TSHR: variants seen among roughly 807,000 people sequenced by gnomAD.
The protein encoded by TSHR is thyrotropin receptor.
In TSHR, 51 loss-of-function variants were observed where a neutral mutation model predicts 64.1. That is an observed-to-expected ratio of 0.80 (90% CI 0.64 to 1.01). The LOEUF is 1.01. Among genes scored for constraint, TSHR ranks in the 50% least tolerant of loss-of-function variants. The pLI is 0.00. For synonymous variants in TSHR, 361 were observed against 361.9 expected, an observed-to-expected ratio of 1.00 and a Z score of 0.03; for missense variants, 877 against 942.8, an observed-to-expected ratio of 0.93 and a Z score of 0.91.
In TSHR at chr14:81,142,950, T is replaced by C. The variant is rs752493322; in HGVS notation, c.892T>C (p.Ser298Pro). The C allele has an allele frequency of 1.1e-5, 18 of 1,613,868 alleles. No homozygotes were observed. Among genetic ancestry groups the C allele is most frequent in the Non-Finnish European group, 1.4e-5 (17 of 1,180,012 alleles). The stretch of plus-strand genomic sequence containing the variant: ...TCTGTTGCCTTGCAGAATCCTTGAG[T>C]CCTTGATGTGTAATGAGAGCAGTAT... Reference protein sequence around the residue: ...NQKKIRGILESLMCNESSMQS... With the variant: ...NQKKIRGILEPLMCNESSMQS... The change falls in exon 10 of 10, where the codon TCC (serine) becomes CCC (proline). Residue 298 changes from serine to proline, a missense_variant. Ser to Pro is a moderately conservative substitution (Grantham distance 74). Coordinates refer to ENST00000298171, the MANE Select transcript of TSHR (RefSeq NM_000369.5).
intron 1 of TSHR, among the ~76,000 whole-genome samples, chr14:80,996,415 A>G (rs532631608): frequency 6.6e-6 from 1 of 152,156 alleles, no homozygotes; most frequent in African/African-American, 2.4e-5. Context: ...TTCGTCTATG[A>G]TCTAGTAAGT....
At chr14:81,071,113 T>A (rs1887035938) in intron 3 of TSHR, among the ~76,000 whole-genome samples, 1 of 152,222 alleles carries the variant, frequency 6.6e-6, no homozygotes, top group Non-Finnish European at 1.5e-5. Context: ...GCAGTCTTAA[T>A]AATCAATAAG....
intron 8 of TSHR, among the ~76,000 whole-genome samples, chr14:81,111,741 G>A (rs1890233255): frequency 6.6e-6 from 1 of 152,132 alleles, no homozygotes; most frequent in Admixed American, 6.5e-5. Flanking sequence ...TTCTGCCTTA[G>A]AGGGCAGAAT....
intron 1 of TSHR, among the ~76,000 whole-genome samples, chr14:80,962,848 A>G (rs1190870451): frequency 6.6e-6 from 1 of 152,250 alleles, no homozygotes; most frequent in African/African-American, 2.4e-5. Context: ...ATTATCTACA[A>G]TCTAGAAAGG....
At chr14:81,057,113 A>G (rs112908298) in intron 1 of TSHR, among the ~76,000 whole-genome samples, 14 of 152,294 alleles carry the variant, frequency 9.2e-5, no homozygotes, top group African/African-American at 3.1e-4. Flanking sequence ...AAATTCACCA[A>G]TGAAAATTTA....
chr14:81,143,830 T>C lies in TSHR; in HGVS notation c.1772T>C (p.Ile591Thr). 6.2e-7 allele frequency: 1 copy of C among 1,614,036 alleles called. No individual in the cohort carries two copies. Among genetic ancestry groups the C allele is most frequent in the Non-Finnish European group, 8.5e-7 (1 of 1,180,016 alleles). The part of the protein sequence containing the change: ...AYIVFVLTLN[I>T]VAFVIVCCCY... Reference sequence around the variant, plus strand: ...ATTGTTTTTGTTCTGACGCTCAACATAGTTGCCTTCGTCATCGTCTGCTGC... The same window carrying C: ...ATTGTTTTTGTTCTGACGCTCAACACAGTTGCCTTCGTCATCGTCTGCTGC... Residue 591 changes from isoleucine (I) to threonine (T), a missense_variant, in exon 10 of 10, where the codon ATA (isoleucine) becomes ACA (threonine). Physicochemically the swap from Ile to Thr is moderately conservative, Grantham distance 89 (BLOSUM62 -1). Coordinates refer to ENST00000298171, the MANE Select transcript of TSHR (RefSeq NM_000369.5).
At chr14:81,054,094 G>T (rs1885601185) in intron 1 of TSHR, among the ~76,000 whole-genome samples, 1 of 152,228 alleles carries the variant, frequency 6.6e-6, no homozygotes. Flanking sequence ...TGTTGTGGGA[G>T]GGACCTGGTG....
intron 8 of TSHR, among the ~76,000 whole-genome samples, chr14:81,128,142 A>G (rs1303743644): frequency 6.6e-6 from 1 of 152,252 alleles, no homozygotes; most frequent in East Asian, 1.9e-4. Context: ...CTTTAAGAAA[A>G]GATTCATAAT....
At chr14:81,111,290 C>G (rs566927365) in intron 8 of TSHR, among the ~76,000 whole-genome samples, 1 of 152,294 alleles carries the variant, frequency 6.6e-6, no homozygotes, top group Admixed American at 6.5e-5. Context: ...AAGTAGCTGG[C>G]TTACATCCAG....
At chr14:80,973,965 G>A (rs1375061311) in intron 1 of TSHR, among the ~76,000 whole-genome samples, 2 of 152,048 alleles carry the variant, frequency 1.3e-5, no homozygotes, top group Non-Finnish European at 2.9e-5. Flanking sequence ...CCATCGCCCT[G>A]GGTGGGAGAT....
In TSHR at chr14:81,002,609, C is replaced by T. The variant is rs187083918; in HGVS notation, c.170+46759C>T. 2.0e-3 allele frequency among the ~76,000 whole-genome samples: 304 copies of T among 152,178 alleles called. 1 individual carries two copies. The highest frequency in any genetic ancestry group is 7.1e-3 in the African/African-American group (295 of 41,530). ...TCCCAATTATAAAATCCCTGCTCTTCGCCCTATTCCCTCCATAGTTAACCC... is the reference window on the plus strand; with the variant it reads ...TCCCAATTATAAAATCCCTGCTCTTTGCCCTATTCCCTCCATAGTTAACCC... On this transcript the variant is annotated intron_variant, in intron 1 of 9. Coordinates refer to ENST00000298171, the MANE Select transcript of TSHR (RefSeq NM_000369.5).
intron 1 of TSHR, among the ~76,000 whole-genome samples, chr14:80,988,384 G>A (rs1035886273): frequency 6.6e-6 from 1 of 152,066 alleles, no homozygotes. Flanking sequence ...GGAAGGGGGT[G>A]GGGAAGTGCC....
chr14:81,090,917 A>G (rs1442113459), intron 4 of TSHR, 152 bp from the exon 5 acceptor site: 4 of 684,812 alleles, frequency 5.8e-6, no homozygotes, highest in Non-Finnish European at 1.0e-5. Context: ...ACTTGCCCAT[A>G]GTTACTCAGA....
intron 4 of TSHR, among the ~76,000 whole-genome samples, chr14:81,090,282 T>A (rs775768691): frequency 2.8e-4 from 42 of 152,228 alleles, no homozygotes; most frequent in Non-Finnish European, 5.1e-4. Context: ...TCGCCCTCTG[T>A]CACCCAGGCT....
At chr14:80,986,485 T>TTTTG (rs542927422) in intron 1 of TSHR, among the ~76,000 whole-genome samples, 6 of 137,046 alleles carry the variant, frequency 4.4e-5, no homozygotes, top group Non-Finnish European at 8.8e-5. Flanking sequence ...TTTGTTTGTT[T>TTTTG]TTTGTTTGTT....
At chr14:81,032,590 C>G (rs986250545) in intron 1 of TSHR, 4 of 442,522 alleles carry the variant, frequency 9.0e-6, no homozygotes, top group South Asian at 5.7e-5. Context: ...AATCCTGTCA[C>G]CAACATGCAC....
At chr14:81,111,303 T>A (rs1890214548) in intron 8 of TSHR, among the ~76,000 whole-genome samples, 1 of 152,212 alleles carries the variant, frequency 6.6e-6, no homozygotes, top group African/African-American at 2.4e-5. Context: ...ACATCCAGCA[T>A]ACGCTTCTTA....
At chr14:81,034,122 A>C (rs1477958216) in intron 1 of TSHR, among the ~76,000 whole-genome samples, 2 of 152,200 alleles carry the variant, frequency 1.3e-5, no homozygotes, top group Non-Finnish European at 2.9e-5. Context: ...TGCCTACCAG[A>C]GGTAGAGACC....
intron 8 of TSHR, among the ~76,000 whole-genome samples, chr14:81,120,974 G>T (rs1890765411): frequency 6.6e-6 from 1 of 151,918 alleles, no homozygotes; most frequent in Non-Finnish European, 1.5e-5. Flanking sequence ...GGGAAAAATG[G>T]CACTCAGTAG....
Sources: gnomAD v4.1 joint callset for allele counts (sites outside exome capture counted in the v4.1 genomes callset) on GRCh38, gnomAD v4.1.1 for gene constraint, MANE v1.5 for transcripts, NCBI Gene and HGNC (gene_info 2026-07-23, HGNC 2026-07-21) for gene names.